Variants in SYT14 observed in about 807,000 individuals in gnomAD.
SYT14 encodes synaptotagmin-14.
Under a neutral mutation model 74.2 loss-of-function variants are expected in SYT14, and 32 were observed. The ratio of observed to expected loss-of-function variants is 0.43; its 90% CI spans 0.33 to 0.58. The LOEUF is 0.58. SYT14 is among the 20% of genes least tolerant of loss of function. The pLI is 0.05. For synonymous variants in SYT14, 298 were observed against 337.7 expected (o/e 0.88, Z 1.29); for missense variants, 791 against 981.8 (o/e 0.81, Z 2.60).
Position 209,948,254 on chromosome 1 carries a change from A to G in SYT14, c.-533-4455A>G, listed in dbSNP as rs73066431. The stretch of plus-strand genomic sequence containing the variant: ...TGTAAACATGTGTAAACATGTACAT[A>G]TGTTGTAATGATCCTCTTGTGTATT... On this transcript the variant is annotated intron_variant, in intron 1 of 9. Coordinates refer to ENST00000637265, the Ensembl canonical transcript of SYT14. Among the ~76,000 whole-genome samples, 444 of 152,348 alleles carry G rather than the reference A, an allele frequency of 2.9e-3. 4 individuals carry two copies. The highest frequency in any genetic ancestry group is 0.01 in the African/African-American group (424 of 41,588).
chr1:209,938,480 C>G (rs1646612941), intron 1 of SYT14, among the ~76,000 whole-genome samples: 1 of 151,842 alleles, frequency 6.6e-6, no homozygotes, highest in Non-Finnish European at 1.5e-5. Flanking sequence ...GACTGGCTCG[C>G]TCGCCCCGGC....
intron 2 of SYT14, chr1:209,965,991 A>G (rs1471123098): frequency 4.4e-6 from 2 of 451,832 alleles, no homozygotes; most frequent in East Asian, 1.4e-4. Context: ...CTGCCTCAGC[A>G]TCCCAAGTAA....
chr1:210,021,616 C>T (rs976888291), intron 5 of SYT14, among the ~76,000 whole-genome samples: 1 of 152,178 alleles, frequency 6.6e-6, no homozygotes, highest in African/African-American at 2.4e-5. Flanking sequence ...AAGTCTCTCA[C>T]GGTGTTGAAT....
intron 2 of SYT14, among the ~76,000 whole-genome samples, chr1:209,999,832 GT>G (rs1471720417): frequency 6.6e-6 from 1 of 152,142 alleles, no homozygotes; most frequent in African/African-American, 2.4e-5. Context: ...AAGTTCTAAT[GT>G]TCAGTAGCAG....
chr1:209,978,626 C>A (rs902737147), intron 2 of SYT14, among the ~76,000 whole-genome samples: 2 of 152,146 alleles, frequency 1.3e-5, no homozygotes, highest in Admixed American at 1.3e-4. Context: ...CTGGGGGGTG[C>A]CTCCCAGTAA....
At position 210,016,286 on chromosome 1, in the gene SYT14, C is replaced by A. The variant is rs1379492043; in HGVS notation, c.283C>A (p.His95Asn). 3.2e-6 allele frequency: 4 copies of A among 1,231,976 alleles called. No individual in the cohort carries two copies. In the Admixed American group the frequency reaches 1.3e-4, roughly 39 times the overall value. 76.3% of individuals were successfully genotyped at this position (1,231,976 alleles called of 1,614,324 possible). A position where few individuals can be genotyped will look rare whatever the true frequency, so the allele number is the denominator to read the frequency against. ...TCAGAAAACACAAGCCAATTTAGAG[C>A]ATAGAGCAAAGCAAATAAATACTTG... The change falls in exon 4 of 10, where the codon CAT (histidine) becomes AAT (asparagine). Residue 95 changes from histidine (H) to asparagine (N), a missense_variant. His to Asn is a moderately conservative substitution (Grantham distance 68, BLOSUM62 1). Coordinates refer to ENST00000637265, the Ensembl canonical transcript of SYT14.
chr1:210,159,807 A>G (rs2083337478), intron 9 of SYT14, among the ~76,000 whole-genome samples: 1 of 152,208 alleles, frequency 6.6e-6, no homozygotes, highest in Admixed American at 6.5e-5. Context: ...TATGAAGTAC[A>G]CATGATGGAT....
chr1:210,156,035 ATC>A, intron 8 of SYT14, 125 bp downstream of exon 7: 1 of 897,784 alleles, frequency 1.1e-6, no homozygotes, highest in Non-Finnish European at 1.7e-6. Flanking sequence ...TCATCAGCTA[ATC>A]TGTTTCATGT....
chr1:210,038,314 A>C (rs909172753), intron 5 of SYT14, among the ~76,000 whole-genome samples: 5 of 151,940 alleles, frequency 3.3e-5, no homozygotes, highest in Admixed American at 6.6e-5. Flanking sequence ...TGTCCTTTCC[A>C]GATAGGTGGG....
intron 5 of SYT14, among the ~76,000 whole-genome samples, chr1:210,049,119 G>C (rs1485744331): frequency 1.3e-5 from 2 of 152,234 alleles, no homozygotes; most frequent in African/African-American, 2.4e-5. Flanking sequence ...ATGGTGTTGA[G>C]TGTCTGCGGC....
intron 2 of SYT14, among the ~76,000 whole-genome samples, chr1:209,996,436 A>G (rs1156461359): frequency 6.6e-6 from 1 of 152,172 alleles, no homozygotes; most frequent in Non-Finnish European, 1.5e-5. Context: ...ATCAATATAA[A>G]GATCTGAATT....
At chr1:210,159,602 G>A (rs762474595) in intron 9 of SYT14, 125 bp downstream of exon 8, 2 of 810,418 alleles carry the variant, frequency 2.5e-6, no homozygotes, top group Non-Finnish European at 4.2e-6. Flanking sequence ...TATTATCTGT[G>A]GTACTTTAAA....
chr1:209,940,281 T>G (rs914404331), intron 1 of SYT14, among the ~76,000 whole-genome samples: 3 of 152,174 alleles, frequency 2.0e-5, no homozygotes, highest in African/African-American at 7.2e-5. Context: ...CTTAAAAATT[T>G]AGGGGCCCAA....
At chr1:210,021,286 A>G (rs2080297981) in intron 5 of SYT14, 32 bp downstream of exon 4, 8 of 1,573,888 alleles carry the variant, frequency 5.1e-6, no homozygotes, top group Non-Finnish European at 6.1e-6. Context: ...TTTTTACATG[A>G]CACACTATAG....
chr1:210,159,082 G>T (rs1009520102), intron 8 of SYT14, among the ~76,000 whole-genome samples: 1 of 151,944 alleles, frequency 6.6e-6, no homozygotes, highest in African/African-American at 2.4e-5. Context: ...TAATTCTGAT[G>T]ATCTTTATAA....
chr1:210,006,908 T>C (rs1558124522), intron 2 of SYT14, among the ~76,000 whole-genome samples: 1 of 151,808 alleles, frequency 6.6e-6, no homozygotes, highest in Non-Finnish European at 1.5e-5. Context: ...TATCCTAGCA[T>C]TTTTCTTAGA....
chr1:210,097,196 G>C (rs1156871765), intron 6 of SYT14, among the ~76,000 whole-genome samples: 1 of 152,154 alleles, frequency 6.6e-6, no homozygotes, highest in Non-Finnish European at 1.5e-5. Context: ...TTGCATCCTT[G>C]TAATAGATAT....
intron 9 of SYT14, among the ~76,000 whole-genome samples, chr1:210,160,048 C>T (rs892214793): frequency 6.6e-6 from 1 of 152,130 alleles, no homozygotes; most frequent in Non-Finnish European, 1.5e-5. Flanking sequence ...ATCCTGAAAG[C>T]ACATTAAATG....
At chr1:210,008,276 T>G (rs940828688) in intron 2 of SYT14, among the ~76,000 whole-genome samples, 2 of 152,244 alleles carry the variant, frequency 1.3e-5, no homozygotes, top group Admixed American at 6.5e-5. Flanking sequence ...CTTGCATTAG[T>G]GAAATTTGAG....
Sources: gnomAD v4.1 joint callset for allele counts (sites outside exome capture counted in the v4.1 genomes callset) on GRCh38, gnomAD v4.1.1 for gene constraint, MANE v1.5 for transcripts, NCBI Gene and HGNC (gene_info 2026-07-23, HGNC 2026-07-21) for gene names.